Variants in RTN4R observed in about 807,000 individuals in gnomAD.
RTN4R encodes reticulon 4 receptor, also known as reticulon-4 receptor.
Under a neutral mutation model 27.7 loss-of-function variants are expected in RTN4R, and 4 were observed. That is an observed-to-expected ratio of 0.14 (90% CI 0.07 to 0.33). RTN4R has a LOEUF of 0.33. RTN4R is among the 10% of genes least tolerant of loss of function. The pLI is 1.00. For synonymous variants in RTN4R, 290 were observed against 305.6 expected (o/e 0.95, Z 0.53); for missense variants, 554 against 671.5 (o/e 0.83, Z 1.93).
chr22:20,248,598 G>A (rs548504565), intron 1 of RTN4R, among the ~76,000 whole-genome samples: 35 of 152,324 alleles, frequency 2.3e-4, no homozygotes, highest in Admixed American at 8.5e-4. Context: ...CCTGTCCCAG[G>A]TGCTGTGCTG....
chr22:20,268,010 G>GCGAGCCGCCCCCCTCCGCGC, intron 1 of RTN4R, 61 bp downstream of exon 1: 1 of 1,041,022 alleles, frequency 9.6e-7, no homozygotes, highest in South Asian at 4.7e-5. Context: ...CGGGGAGGGG[G>GCGAGCCGCCCCCCTCCGCGC]CGAGCCGCCC....
chr22:20,242,726 T>A lies in RTN4R; in HGVS notation c.407A>T (p.His136Leu). 6.2e-7 allele frequency: 1 copy of A among 1,612,482 alleles called. No homozygotes were observed. The highest frequency in any genetic ancestry group is 8.5e-7 in the Non-Finnish European group (1 of 1,179,654). ...FHGLGRLHTL[H>L]LDRCGLQELG... The stretch of plus-strand genomic sequence containing the variant: ...CTCCTGCAGGCCGCAGCGGTCCAGG[T>A]GCAGCGTGTGTAGGCGGCCCAGGCC... The change falls in exon 2 of 2, where the codon CAC (histidine) becomes CTC (leucine). Residue 136 changes from histidine (H) to leucine (L), a missense_variant. His to Leu is a moderately conservative substitution (Grantham distance 99). This residue lies in a region of RTN4R where 413 missense variants were observed against 542.3 expected (regional missense o/e 0.76). Transcript: ENST00000043402.
intron 1 of RTN4R, among the ~76,000 whole-genome samples, chr22:20,258,297 C>T (rs1347856571): frequency 6.6e-6 from 1 of 152,192 alleles, no homozygotes; most frequent in African/African-American, 2.4e-5. Context: ...CACACTTCCT[C>T]TGGGGGGCTC....
chr22:20,249,279 C>A, intron 1 of RTN4R: 2 of 515,308 alleles, frequency 3.9e-6, no homozygotes, highest in Non-Finnish European at 8.0e-6. Context: ...CAGGTCTGGG[C>A]CCAGCACTGC....
At chr22:20,243,148 G>C in intron 1 of RTN4R, 38 bp from the exon 2 acceptor site, 1 of 1,588,004 alleles carries the variant, frequency 6.3e-7, no homozygotes, top group Non-Finnish European at 8.5e-7. Context: ...AGGAAGGGCA[G>C]GGGTACTGGA....
intron 1 of RTN4R, among the ~76,000 whole-genome samples, chr22:20,259,198 G>A (rs541302443): frequency 9.2e-5 from 14 of 152,320 alleles, no homozygotes; most frequent in African/African-American, 2.9e-4. Flanking sequence ...CCAGGGGACC[G>A]GCCTCCGCTC....
In RTN4R at chr22:20,241,629, C is replaced by G; in HGVS notation, c.*82G>C. ...CCTGGCCTGCCCCACGGGTCGGCCG[C>G]CCGGCTGGCTTGGCGGCGTGGAGAG... On this transcript the variant is annotated 3_prime_UTR_variant, in exon 2 of 2. Transcript: ENST00000043402. 6.6e-7 allele frequency: 1 copy of G among 1,509,384 alleles called. No homozygotes were observed. The highest frequency in any genetic ancestry group is 9.0e-7 in the Non-Finnish European group (1 of 1,114,740). The allele number at this position is 1,509,384 out of a possible 1,614,324, so 93.5% of individuals were successfully genotyped here.
At chr22:20,260,141 C>T (rs2051236540) in intron 1 of RTN4R, among the ~76,000 whole-genome samples, 1 of 152,144 alleles carries the variant, frequency 6.6e-6, no homozygotes, top group African/African-American at 2.4e-5. Flanking sequence ...AGGGGACGCA[C>T]CCAGCTGAGG....
chr22:20,260,058 C>G (rs2051235936), intron 1 of RTN4R, among the ~76,000 whole-genome samples: 3 of 152,126 alleles, frequency 2.0e-5, no homozygotes, highest in Non-Finnish European at 4.4e-5. Flanking sequence ...GGACCCTCCC[C>G]AGGGGACACT....
intron 1 of RTN4R, among the ~76,000 whole-genome samples, chr22:20,264,564 G>A (rs528757882): frequency 1.3e-5 from 2 of 152,320 alleles, no homozygotes; most frequent in South Asian, 2.1e-4. Context: ...GGCTAGGAAC[G>A]AACGAGTGAA....
intron 1 of RTN4R, among the ~76,000 whole-genome samples, chr22:20,260,443 C>A (rs556849929): frequency 6.6e-6 from 1 of 152,154 alleles, no homozygotes; most frequent in Non-Finnish European, 1.5e-5. Flanking sequence ...GAGGGGGCAC[C>A]AGGGCTGACT....
rs2051209188 is a variant in RTN4R at position 20,255,858 on chromosome 22, G to A, written c.22+12213C>T. On this transcript the variant is annotated intron_variant, in intron 1 of 1. Coordinates refer to ENST00000043402, the MANE Select transcript of RTN4R (RefSeq NM_023004.6). This position sits in a 1 kb window ranked among gnomAD's most constrained non-coding sequence, Gnocchi z 4.8. Reference sequence around the variant, plus strand: ...CAGCCTCCTTTCTGACCGTGCACACGGGCTTCTCTCAGCTGCTATGAGAGC... The same window carrying A: ...CAGCCTCCTTTCTGACCGTGCACACAGGCTTCTCTCAGCTGCTATGAGAGC... Among the ~76,000 whole-genome samples, 4 of 152,228 alleles carry A rather than the reference G, an allele frequency of 2.6e-5. No homozygotes were observed. Among genetic ancestry groups the A allele is most frequent in the African/African-American group, 9.6e-5 (4 of 41,458 alleles).
chr22:20,243,662 G>A (rs373462576), intron 1 of RTN4R: 4 of 410,280 alleles, frequency 9.7e-6, no homozygotes, highest in African/African-American at 8.3e-5. Context: ...AACCACCCAG[G>A]CAGCCTGCTC....
chr22:20,249,311 C>T, intron 1 of RTN4R: 1 of 472,902 alleles, frequency 2.1e-6, no homozygotes, highest in African/African-American at 2.0e-5. Context: ...CTCCCATGCC[C>T]ATCTGCCTGC....
chr22:20,252,316 T>G (rs920577589), intron 1 of RTN4R, among the ~76,000 whole-genome samples: 2 of 152,218 alleles, frequency 1.3e-5, no homozygotes, highest in African/African-American at 4.8e-5. Flanking sequence ...CAGATATCCC[T>G]GGGCAGAGGC....
At chr22:20,246,752 C>G (rs2051143742) in intron 1 of RTN4R, among the ~76,000 whole-genome samples, 1 of 152,252 alleles carries the variant, frequency 6.6e-6, no homozygotes, top group Admixed American at 6.5e-5. Flanking sequence ...TGCCAGGAGG[C>G]AGCACAGGGC....
intron 1 of RTN4R, among the ~76,000 whole-genome samples, chr22:20,264,262 A>C (rs1264907991): frequency 2.0e-5 from 3 of 152,254 alleles, no homozygotes; most frequent in African/African-American, 7.2e-5. Flanking sequence ...AAGGGATTCC[A>C]CACACACCAG....
At chr22:20,259,424 G>A (rs1485143759) in intron 1 of RTN4R, among the ~76,000 whole-genome samples, 1 of 152,176 alleles carries the variant, frequency 6.6e-6, no homozygotes, top group Non-Finnish European at 1.5e-5. Flanking sequence ...GGAGATGAAA[G>A]ACAGCCTGGA....
At chr22:20,245,150 G>A (rs1426669531) in intron 1 of RTN4R, among the ~76,000 whole-genome samples, 2 of 152,348 alleles carry the variant, frequency 1.3e-5, no homozygotes, top group East Asian at 3.9e-4. Flanking sequence ...CGGTGGTGCG[G>A]GGTCGGGGGA....
Sources: allele counts gnomAD v4.1 joint callset (sites outside exome capture counted in the v4.1 genomes callset), GRCh38; gene constraint gnomAD v4.1.1; regional missense constraint gnomAD v4.1.1; non-coding constraint Gnocchi (gnomAD v3.1); transcripts MANE v1.5; gene names NCBI Gene and HGNC (gene_info 2026-07-23, HGNC 2026-07-21).